The following DCUN1D4 variants were observed in gnomAD, a reference collection of about 807,000 sequenced individuals.
DCUN1D4 encodes the protein DCN1-like protein 4.
A neutral mutation model predicts 47.9 loss-of-function variants in DCUN1D4; 22 were observed. The observed-to-expected ratio is 0.46, with a 90% confidence interval of 0.33 to 0.66. The LOEUF (loss-of-function observed/expected upper bound fraction) is 0.66. DCUN1D4 is among the 30% of genes least tolerant of loss of function. The probability of loss-of-function intolerance (pLI) is 0.02; values close to 1 mark genes in which losing one functional copy is unlikely to be tolerated. For synonymous variants in DCUN1D4, 121 were observed against 112.2 expected, an observed-to-expected ratio of 1.08 and a Z score of -0.50; for missense variants, 301 against 340.8, an observed-to-expected ratio of 0.88 and a Z score of 0.92.
chr4:51,909,320 G>A (rs1733363681), intron 8 of DCUN1D4: 5 of 203,406 alleles, frequency 2.5e-5, no homozygotes, highest in South Asian at 2.4e-4. Flanking sequence ...TGCTGCATAA[G>A]CTGTTGTTCA....
At chr4:51,912,980 T>TA (rs1733927715) in intron 9 of DCUN1D4, among the ~76,000 whole-genome samples, 1 of 152,216 alleles carries the variant, frequency 6.6e-6, no homozygotes, top group South Asian at 2.1e-4. Context: ...ATGAAGTAGA[T>TA]ATTATCTGCA....
At chr4:51,873,478 G>A (rs569832357) in intron 3 of DCUN1D4, among the ~76,000 whole-genome samples, 4 of 152,224 alleles carry the variant, frequency 2.6e-5, no homozygotes, top group Admixed American at 6.5e-5. Flanking sequence ...TGGCTTTGCC[G>A]TTTGCCTAAC....
upstream of DCUN1D4, among the ~76,000 whole-genome samples, chr4:51,840,104 A>T (rs10012987): frequency 6.6e-6 from 1 of 151,966 alleles, no homozygotes; most frequent in Non-Finnish European, 1.5e-5. Context: ...TGGCATAAAG[A>T]CTGCATCTCC....
intron 1 of DCUN1D4, among the ~76,000 whole-genome samples, chr4:51,843,963 G>GC (rs1722059014): frequency 6.6e-6 from 1 of 150,550 alleles, no homozygotes; most frequent in Non-Finnish European, 1.5e-5. Flanking sequence ...GGCGGGAGGG[G>GC]CGTTGGAAGG....
chr4:51,839,237 AAAG>A (rs1377487490), upstream of DCUN1D4, among the ~76,000 whole-genome samples: 1 of 152,014 alleles, frequency 6.6e-6, no homozygotes, highest in Non-Finnish European at 1.5e-5. Context: ...GAAAGAAAGA[AAAG>A]AAGGAAAGGA....
intron 8 of DCUN1D4, 76 bp downstream of exon 8, chr4:51,899,454 T>C: frequency 6.7e-7 from 1 of 1,500,780 alleles, no homozygotes; most frequent in Non-Finnish European, 8.8e-7. Context: ...AGGTTAGTTT[T>C]TACATGCCAC....
chr4:51,887,876 A>G (rs977586482), intron 6 of DCUN1D4, among the ~76,000 whole-genome samples: 10 of 143,818 alleles, frequency 7.0e-5, no homozygotes, highest in African/African-American at 2.6e-4. Flanking sequence ...CACTTATTAC[A>G]TAGATTTTTA....
Position 51,916,213 on chromosome 4 carries a change from C to G in DCUN1D4, c.*2629C>G, listed in dbSNP as rs924844748. 1 of 152,024 alleles carries G rather than the reference C, an allele frequency of 6.6e-6. No individual in the cohort carries two copies. Among genetic ancestry groups the G allele is most frequent in the Non-Finnish European group, 1.5e-5 (1 of 67,976 alleles). 9.4% of individuals were successfully genotyped at this position (152,024 alleles called of 1,614,324 possible). ...ATACTCTGTTGTCATGGAATACAAC[C>G]TTTAGATGTTTACTGCTGAAGTAGG... On this transcript the variant is annotated 3_prime_UTR_variant, in exon 11 of 11. Coordinates refer to ENST00000334635, the MANE Select transcript of DCUN1D4 (RefSeq NM_001040402.3).
In DCUN1D4 at chr4:51,911,104, C is replaced by T; in HGVS notation, c.650C>T (p.Ala217Val). The change falls in exon 9 of 11, where the codon GCC (alanine) becomes GTC (valine). Residue 217 changes from alanine to valine, a missense_variant. This residue lies in a region of DCUN1D4 where 170 missense variants were observed against 234.5 expected (regional missense o/e 0.73). Coordinates refer to ENST00000334635, the MANE Select transcript of DCUN1D4 (RefSeq NM_001040402.3). ...KDQRSLDINT[A>V]KCMLGLLLGK... ...CAGCGCAGCCTAGACATAAACACTGCCAAGTGCATGTTGGGACTGTTATTA... is the reference window on the plus strand; with the variant it reads ...CAGCGCAGCCTAGACATAAACACTGTCAAGTGCATGTTGGGACTGTTATTA... 1 of 1,613,440 alleles carries T rather than the reference C, an allele frequency of 6.2e-7. No individual in the cohort carries two copies.
intron 6 of DCUN1D4, among the ~76,000 whole-genome samples, chr4:51,888,739 A>C (rs951893714): frequency 6.6e-6 from 1 of 151,790 alleles, no homozygotes; most frequent in South Asian, 2.1e-4. Flanking sequence ...AAAAAAAAAA[A>C]AAAACTCCAT....
At chr4:51,912,149 A>G (rs536601121) in intron 9 of DCUN1D4, among the ~76,000 whole-genome samples, 1 of 152,208 alleles carries the variant, frequency 6.6e-6, no homozygotes, top group Non-Finnish European at 1.5e-5. Flanking sequence ...CCATGTTGAC[A>G]TATGGTCTGT....
intron 1 of DCUN1D4, chr4:51,860,665 T>C: frequency 2.2e-6 from 1 of 453,836 alleles, no homozygotes; most frequent in South Asian, 1.6e-5. Flanking sequence ...AGAGAAAGGG[T>C]GAGAGGAGGT....
chr4:51,869,229 G>T (rs1330751460), intron 3 of DCUN1D4, among the ~76,000 whole-genome samples: 1 of 151,154 alleles, frequency 6.6e-6, no homozygotes, highest in Non-Finnish European at 1.5e-5. Context: ...TATTTAGAGA[G>T]AGGAAAAAAT....
At chr4:51,913,166 C>T in intron 9 of DCUN1D4, 124 bp from the exon 10 acceptor site, 1 of 587,232 alleles carries the variant, frequency 1.7e-6, no homozygotes, top group Admixed American at 3.2e-5. Flanking sequence ...TGGTGCTTAA[C>T]AAACCTCAAA....
chr4:51,839,982 A>C (rs145304369), upstream of DCUN1D4, among the ~76,000 whole-genome samples: 843 of 152,306 alleles, frequency 5.5e-3, 3 homozygotes, highest in African/African-American at 0.019. Context: ...ATCTGATTAA[A>C]ATTAATATTG....
upstream of DCUN1D4, among the ~76,000 whole-genome samples, chr4:51,839,305 T>C (rs1039161562): frequency 6.6e-6 from 1 of 152,106 alleles, no homozygotes; most frequent in African/African-American, 2.4e-5. Flanking sequence ...ACATGGAGTC[T>C]GGCTACTTAG....
At chr4:51,884,440 G>A (rs762242288) in intron 5 of DCUN1D4, 13 of 152,192 alleles carry the variant, frequency 8.5e-5, no homozygotes, top group Admixed American at 2.0e-4. Context: ...TCCAGGATGT[G>A]TCTAACAAAT....
At chr4:51,874,759 C>T (rs1727422056) in intron 4 of DCUN1D4, 1 of 165,552 alleles carries the variant, frequency 6.0e-6, no homozygotes, top group Non-Finnish European at 1.3e-5. Flanking sequence ...CTGGAGAGAT[C>T]TTCCTGTACT....
At chr4:51,844,041 G>A (rs965504588) in intron 1 of DCUN1D4, among the ~76,000 whole-genome samples, 5 of 150,172 alleles carry the variant, frequency 3.3e-5, no homozygotes, top group African/African-American at 9.9e-5. Context: ...GGTGTGGAAG[G>A]GTAGGGCGAT....
Sources: gnomAD v4.1 joint callset for allele counts (sites outside exome capture counted in the v4.1 genomes callset) on GRCh38, gnomAD v4.1.1 for gene constraint, gnomAD v4.1.1 regional missense constraint, MANE v1.5 for transcripts, NCBI Gene and HGNC (gene_info 2026-07-23, HGNC 2026-07-21) for gene names.